UNC5C: variants seen among roughly 807,000 people sequenced by gnomAD.
UNC5C encodes unc-5 netrin receptor C.
A neutral mutation model predicts 99.8 loss-of-function variants in UNC5C; 47 were observed. That is an observed-to-expected ratio of 0.47 (90% CI 0.37 to 0.60). The LOEUF is 0.60. UNC5C is among the 20% of genes least tolerant of loss of function. The pLI, the probability that UNC5C is intolerant of heterozygous loss-of-function variation, is 0.00. For synonymous variants in UNC5C, 487 were observed against 452.2 expected (o/e 1.08, Z -0.98); for missense variants, 1,062 against 1,165.9 (o/e 0.91, Z 1.30).
intron 1 of UNC5C, among the ~76,000 whole-genome samples, chr4:95,490,415 A>AT (rs1721451727): frequency 6.6e-6 from 1 of 151,730 alleles, no homozygotes; most frequent in African/African-American, 2.4e-5. Context: ...TAATTAATAT[A>AT]TAAAAAACCC....
intron 1 of UNC5C, among the ~76,000 whole-genome samples, chr4:95,478,846 A>G (rs1192910576): frequency 6.6e-6 from 1 of 151,712 alleles, no homozygotes; most frequent in Non-Finnish European, 1.5e-5. Context: ...TGGATCTCTC[A>G]TCAATGGCTT....
intron 1 of UNC5C, among the ~76,000 whole-genome samples, chr4:95,434,435 G>A (rs1319678659): frequency 1.3e-5 from 2 of 152,040 alleles, no homozygotes; most frequent in East Asian, 3.9e-4. Flanking sequence ...TTCTGGAAAC[G>A]CAAGAAGGGG....
At chr4:95,346,902 G>A (rs1054655629) in intron 1 of UNC5C, among the ~76,000 whole-genome samples, 1 of 151,850 alleles carries the variant, frequency 6.6e-6, no homozygotes, top group Admixed American at 6.6e-5. Context: ...CATAGTACTA[G>A]AAGTCCTAGC....
intron 5 of UNC5C, among the ~76,000 whole-genome samples, chr4:95,246,557 C>T (rs2149380248): frequency 6.6e-6 from 1 of 151,980 alleles, no homozygotes; most frequent in South Asian, 2.1e-4. Flanking sequence ...GAGACCCTCT[C>T]TCCAAATAAA....
At chr4:95,249,865 G>GTA (rs1739629402) in intron 5 of UNC5C, among the ~76,000 whole-genome samples, 1 of 152,206 alleles carries the variant, frequency 6.6e-6, no homozygotes, top group South Asian at 2.1e-4. Context: ...GATGGAGTGA[G>GTA]TAGAATGAGT....
At position 95,202,617 on chromosome 4, in the gene UNC5C, G is replaced by A. The variant is rs10025766; in HGVS notation, c.2136+114C>T. Reference sequence around the variant, plus strand: ...AAGTGCATCCTTTTGGGCCAAACACGTGTCCACACACTTGGGTGCACACAC... The same window carrying A: ...AAGTGCATCCTTTTGGGCCAAACACATGTCCACACACTTGGGTGCACACAC... On this transcript the variant is annotated intron_variant, in intron 12 of 15. Transcript: ENST00000453304. 0.016 allele frequency: 15,568 copies of A among 1,002,982 alleles called. 1,629 individuals carry two copies. In the African/African-American group the frequency reaches 0.22, roughly 14 times the overall value. The allele number at this position is 1,002,982 out of a possible 1,614,324, so 62.1% of individuals were successfully genotyped here.
At chr4:95,440,448 A>G (rs1746916081) in intron 1 of UNC5C, among the ~76,000 whole-genome samples, 1 of 152,154 alleles carries the variant, frequency 6.6e-6, no homozygotes, top group African/African-American at 2.4e-5. Flanking sequence ...TATACCATTC[A>G]GAGAGGATGT....
At chr4:95,332,152 A>C (rs1283466613) in intron 2 of UNC5C, among the ~76,000 whole-genome samples, 1 of 152,182 alleles carries the variant, frequency 6.6e-6, no homozygotes, top group African/African-American at 2.4e-5. Flanking sequence ...TGCCCAAGGT[A>C]ATTTATAGAT....
At chr4:95,516,085 G>A (rs1049756605) in intron 1 of UNC5C, among the ~76,000 whole-genome samples, 1 of 152,146 alleles carries the variant, frequency 6.6e-6, no homozygotes, top group Non-Finnish European at 1.5e-5. Context: ...GATCATCTGT[G>A]TAGGAAACAA....
At chr4:95,274,961 G>A (rs1579288052) in intron 4 of UNC5C, among the ~76,000 whole-genome samples, 1 of 151,918 alleles carries the variant, frequency 6.6e-6, no homozygotes, top group African/African-American at 2.4e-5. Context: ...GGGAGGTGGA[G>A]GTTGCAGTGA....
intron 4 of UNC5C, among the ~76,000 whole-genome samples, chr4:95,270,384 G>A (rs1740613752): frequency 6.6e-6 from 1 of 151,964 alleles, no homozygotes; most frequent in Non-Finnish European, 1.5e-5. Flanking sequence ...AAAAATGTTG[G>A]TCTTTAAGCA....
intron 1 of UNC5C, among the ~76,000 whole-genome samples, chr4:95,442,618 T>C (rs971902423): frequency 6.6e-6 from 1 of 152,110 alleles, no homozygotes; most frequent in African/African-American, 2.4e-5. Context: ...GGCACACTTA[T>C]CATTTTTAAC....
chr4:95,490,079 C>A (rs979084854), intron 1 of UNC5C, among the ~76,000 whole-genome samples: 6 of 151,386 alleles, frequency 4.0e-5, no homozygotes, highest in African/African-American at 1.5e-4. Flanking sequence ...GGACACTTAA[C>A]AGTTGTGGAG....
intron 2 of UNC5C, among the ~76,000 whole-genome samples, chr4:95,310,775 A>G (rs1463728648): frequency 1.3e-5 from 2 of 152,066 alleles, no homozygotes; most frequent in Non-Finnish European, 2.9e-5. Context: ...TAGAACTGAG[A>G]AGAATATTCA....
intron 1 of UNC5C, among the ~76,000 whole-genome samples, chr4:95,361,320 G>A (rs1425747021): frequency 6.6e-6 from 1 of 152,114 alleles, no homozygotes; most frequent in Non-Finnish European, 1.5e-5. Context: ...AAATAAGCAG[G>A]TTGATTTCAG....
chr4:95,190,933 C>A (rs1737062028), intron 12 of UNC5C, among the ~76,000 whole-genome samples: 1 of 152,174 alleles, frequency 6.6e-6, no homozygotes, highest in African/African-American at 2.4e-5. Flanking sequence ...TAGAAACAAG[C>A]AGCTTTCACA....
At chr4:95,463,691 A>T (rs924751988) in intron 1 of UNC5C, among the ~76,000 whole-genome samples, 3 of 152,334 alleles carry the variant, frequency 2.0e-5, no homozygotes, top group Middle Eastern at 3.4e-3. Flanking sequence ...ATCTCAGAAC[A>T]CTGCAAATCT....
Position 95,356,215 on chromosome 4 carries a change from AAAC to A in UNC5C, c.125-20587_125-20585del, listed in dbSNP as rs1323807973. 2.7e-3 allele frequency among the ~76,000 whole-genome samples: 205 copies of A among 75,320 alleles called. 3 individuals carry two copies. The highest frequency in any genetic ancestry group is 7.2e-3 in the African/African-American group (117 of 16,286). The allele number at this position is 75,320 out of a possible 152,430, so 49.4% of individuals were successfully genotyped here. A position where few individuals can be genotyped will look rare whatever the true frequency, so the allele number is the denominator to read the frequency against. ...TAGCAAAAAAAAAAAAAAAAAAACA[AAAC>A]AAAAAAAAAACAGATTCCTCGTTCT... On this transcript the variant is annotated intron_variant, in intron 1 of 15. Transcript: ENST00000453304.
At chr4:95,315,926 G>A (rs1304391277) in intron 2 of UNC5C, among the ~76,000 whole-genome samples, 4 of 152,166 alleles carry the variant, frequency 2.6e-5, no homozygotes, top group East Asian at 1.9e-4. Context: ...TATTCATCTA[G>A]TATTTTCTTT....
Sources: gnomAD v4.1 joint callset for allele counts (sites outside exome capture counted in the v4.1 genomes callset) on GRCh38, gnomAD v4.1.1 for gene constraint, MANE v1.5 for transcripts, NCBI Gene and HGNC (gene_info 2026-07-23, HGNC 2026-07-21) for gene names.